The following LUC7L2 variants were observed in gnomAD, a reference collection of about 807,000 sequenced individuals.
LUC7L2 encodes the protein LUC7 like 2, pre-mRNA splicing factor, also known as putative RNA-binding protein Luc7-like 2.
A neutral mutation model predicts 52.8 loss-of-function variants in LUC7L2; 25 were observed. The ratio of observed to expected loss-of-function variants is 0.47; its 90% CI spans 0.34 to 0.66. The LOEUF (loss-of-function observed/expected upper bound fraction) is 0.66. Ranked by LOEUF, LUC7L2 falls within the 30% of genes least tolerant of loss-of-function variation. LUC7L2 has a pLI of 0.01. For synonymous variants in LUC7L2, 144 were observed against 160.9 expected, an observed-to-expected ratio of 0.89 and a Z score of 0.80; for missense variants, 328 against 497.8, an observed-to-expected ratio of 0.66 and a Z score of 3.25.
At chr7:139,389,403 T>G (rs1025309492) in intron 2 of LUC7L2, among the ~76,000 whole-genome samples, 7 of 152,214 alleles carry the variant, frequency 4.6e-5, no homozygotes, top group African/African-American at 1.7e-4. Context: ...CATTTTCCTT[T>G]ATCTTCTAGT....
At position 139,379,634 on chromosome 7, in the gene LUC7L2, A is replaced by G. The variant is rs184069921; in HGVS notation, c.156+3478A>G. Among the ~76,000 whole-genome samples, 278 of 121,362 alleles carry G rather than the reference A, an allele frequency of 2.3e-3. 6 individuals carry two copies. The highest frequency in any genetic ancestry group is 8.7e-3 in the African/African-American group (270 of 31,056). The allele number at this position is 121,362 out of a possible 152,430, so 79.6% of individuals were successfully genotyped here. ...GGCCCGGGTGGAGTGCAGTGGCATG[A>G]TCTCGGCTCACTGCAACCTCCGCCT... On this transcript the variant is annotated intron_variant, in intron 2 of 9. Coordinates refer to ENST00000354926, the MANE Select transcript of LUC7L2 (RefSeq NM_016019.5).
At chr7:139,403,452 A>G (rs1795000496) in intron 4 of LUC7L2, among the ~76,000 whole-genome samples, 1 of 152,334 alleles carries the variant, frequency 6.6e-6, no homozygotes, top group East Asian at 1.9e-4. Context: ...TGGTGTTCAG[A>G]TATGTATATA....
chr7:139,372,331 G>T (rs2131205420), intron 1 of LUC7L2, among the ~76,000 whole-genome samples: 1 of 151,838 alleles, frequency 6.6e-6, no homozygotes, highest in Non-Finnish European at 1.5e-5. Flanking sequence ...GTATTGTTTT[G>T]CTCCCAACTC....
intron 1 of LUC7L2, among the ~76,000 whole-genome samples, chr7:139,350,918 C>T (rs1432020231): frequency 6.6e-6 from 1 of 152,102 alleles, no homozygotes; most frequent in African/African-American, 2.4e-5. Flanking sequence ...TCGTGATTTG[C>T]CCGCCTTGGC....
At chr7:139,388,532 C>T (rs531218400) in intron 2 of LUC7L2, among the ~76,000 whole-genome samples, 1 of 151,710 alleles carries the variant, frequency 6.6e-6, no homozygotes, top group East Asian at 1.9e-4. Context: ...TTGTGTAATT[C>T]GTTAGAGCAT....
intron 1 of LUC7L2, among the ~76,000 whole-genome samples, chr7:139,370,375 A>G (rs925801113): frequency 1.3e-5 from 2 of 152,202 alleles, no homozygotes; most frequent in African/African-American, 4.8e-5. Context: ...TGTAAAAATG[A>G]TCAGATTGGC....
At position 139,409,628 on chromosome 7, in the gene LUC7L2, G is replaced by A; in HGVS notation, c.753G>A (p.Glu251=). Residue 251 remains glutamate, a synonymous_variant, in exon 7 of 10, where the codon GAG becomes GAA. Coordinates refer to ENST00000354926, the MANE Select transcript of LUC7L2 (RefSeq NM_016019.5). ...QERLKRREER[E]REEREKLRRS... is the part of the protein sequence containing the mutation. Reference sequence around the variant, plus strand: ...GGCTGAAACGAAGAGAAGAGAGAGAGAGAGAAGAAAGGGAGAAGCTGAGGA... The same window carrying A: ...GGCTGAAACGAAGAGAAGAGAGAGAAAGAGAAGAAAGGGAGAAGCTGAGGA... The A allele has an allele frequency of 1.2e-6, 2 of 1,611,440 alleles. No homozygotes were observed. Among genetic ancestry groups the A allele is most frequent in the Non-Finnish European group, 1.7e-6 (2 of 1,178,514 alleles).
At chr7:139,372,658 G>A (rs897541838) in intron 1 of LUC7L2, among the ~76,000 whole-genome samples, 1 of 151,830 alleles carries the variant, frequency 6.6e-6, no homozygotes, top group African/African-American at 2.4e-5. Context: ...ATATATCCTC[G>A]GCCGGGTGCA....
At chr7:139,402,326 G>A (rs1395309927) in intron 4 of LUC7L2, 79 bp downstream of exon 4, 2 of 1,354,312 alleles carry the variant, frequency 1.5e-6, no homozygotes, top group Non-Finnish European at 1.9e-6. Context: ...GAAATAATTA[G>A]ATTTGCAAGA....
chr7:139,404,990 G>T (rs201923839), intron 4 of LUC7L2, among the ~76,000 whole-genome samples: 2 of 152,194 alleles, frequency 1.3e-5, no homozygotes, highest in East Asian at 3.8e-4. Context: ...TATTTGCTGA[G>T]CACTAGAGAT....
intron 2 of LUC7L2, among the ~76,000 whole-genome samples, chr7:139,382,660 T>G (rs1801098070): frequency 6.6e-6 from 1 of 152,190 alleles, no homozygotes; most frequent in Non-Finnish European, 1.5e-5. Flanking sequence ...CTCAAAGTGC[T>G]GGGATTACAG....
At chr7:139,411,631 A>C (rs188962211) in intron 7 of LUC7L2, among the ~76,000 whole-genome samples, 1 of 152,208 alleles carries the variant, frequency 6.6e-6, no homozygotes, top group Non-Finnish European at 1.5e-5. Flanking sequence ...ATCCAAAAAA[A>C]AATAATAATC....
rs560389628 is a variant in LUC7L2, at chr7:139,422,320, C to T, written c.1159C>T (p.Arg387Cys). 11 of 1,612,176 alleles carry T rather than the reference C, an allele frequency of 6.8e-6. No individual in the cohort carries two copies. The highest frequency in any genetic ancestry group is 4.4e-5 in the South Asian group (4 of 90,724). The change falls in exon 10 of 10, where the codon CGC (arginine) becomes TGC (cysteine). Residue 387 changes from arginine (R) to cysteine (C), a missense_variant. Coordinates refer to ENST00000354926, the MANE Select transcript of LUC7L2 (RefSeq NM_016019.5). Reference sequence around the variant, plus strand: ...AGAAGACAGGAGGAGCTCTGAAGAGCGCGAAGCAGGGGAGATCTAACTAGC... The same window carrying T: ...AGAAGACAGGAGGAGCTCTGAAGAGTGCGAAGCAGGGGAGATCTAACTAGC... ...RSEDRRSSEE[R>C]EAGEI
intron 1 of LUC7L2, among the ~76,000 whole-genome samples, chr7:139,362,172 A>G (rs1799920341): frequency 6.6e-6 from 1 of 151,920 alleles, no homozygotes; most frequent in East Asian, 1.9e-4. Context: ...AGTCCACAGT[A>G]TTGTTTAGCT....
intron 4 of LUC7L2, among the ~76,000 whole-genome samples, chr7:139,404,593 A>G (rs1445292287): frequency 6.6e-6 from 1 of 152,236 alleles, no homozygotes; most frequent in Non-Finnish European, 1.5e-5. Flanking sequence ...TGTGGCCCAA[A>G]TAATGATTAT....
chr7:139,409,636 A>G lies in LUC7L2; in HGVS notation c.761A>G (p.Glu254Gly), dbSNP rs767203637. The change falls in exon 7 of 10, where the codon GAA becomes GGA. Residue 254 changes from glutamate (E) to glycine (G), a missense_variant. Transcript: ENST00000354926. ...LKRREERERE[E>G]REKLRRSRSH... is the part of the protein sequence containing the mutation. ...CGAAGAGAAGAGAGAGAGAGAGAAG[A>G]AAGGGAGAAGCTGAGGAGGTATGGA... 6.2e-7 allele frequency: 1 copy of G among 1,610,970 alleles called. No homozygotes were observed. Among genetic ancestry groups the G allele is most frequent in the East Asian group, 2.2e-5 (1 of 44,738 alleles).
At chr7:139,361,091 A>C (rs1229891096) in intron 1 of LUC7L2, among the ~76,000 whole-genome samples, 1 of 152,244 alleles carries the variant, frequency 6.6e-6, no homozygotes, top group African/African-American at 2.4e-5. Flanking sequence ...TTTAGTTTAG[A>C]ATCTGTATAG....
At chr7:139,375,811 G>A (rs1224703583) in intron 1 of LUC7L2, 2 of 367,464 alleles carry the variant, frequency 5.4e-6, no homozygotes, top group Admixed American at 9.2e-5. Flanking sequence ...ATGCTTTTCT[G>A]AAGTACTCTA....
intron 9 of LUC7L2, among the ~76,000 whole-genome samples, chr7:139,418,596 A>ATCTT (rs1363204643): frequency 6.6e-6 from 1 of 152,134 alleles, no homozygotes; most frequent in African/African-American, 2.4e-5. Flanking sequence ...AGCTGTTAAA[A>ATCTT]TCTTTCCTAT....
Sources: allele counts gnomAD v4.1 joint callset (sites outside exome capture counted in the v4.1 genomes callset), GRCh38; gene constraint gnomAD v4.1.1; transcripts MANE v1.5; gene names NCBI Gene and HGNC (gene_info 2026-07-23, HGNC 2026-07-21).